The following OR14A2 variants were observed in gnomAD, a reference collection of about 807,000 sequenced individuals.
OR14A2 encodes olfactory receptor family 14 subfamily A member 2.
For synonymous variants in OR14A2, 114 were observed against 58.6 expected (o/e 1.95, Z -4.32); for missense variants, 237 against 152.9 (o/e 1.55, Z -2.90).
downstream of OR14A2, chr1:247,723,047 A>G (rs1660236426): frequency 3.2e-6 from 2 of 626,156 alleles, no homozygotes; most frequent in East Asian, 5.5e-5. Flanking sequence ...ACAAATAAGG[A>G]AAGTTTCTTG....
Position 247,723,598 on chromosome 1 carries a change from A to G in OR14A2, c.446T>C (p.Ile149Thr), listed in dbSNP as rs773313430. The change falls in exon 1 of 1, where the codon ATT (isoleucine) becomes ACT (threonine). Residue 149 changes from isoleucine to threonine, a missense_variant. Ile to Thr is a moderately conservative substitution (Grantham distance 89). Coordinates refer to ENST00000366485, the Ensembl canonical transcript of OR14A2. ...GTACGCAGTACCAAAGAGCCCTCCA[A>G]TGGCCCAGGAAACACTTGCCATTAA... 142 of 718,286 alleles carry G rather than the reference A, an allele frequency of 2.0e-4. 1 individual carries two copies. In the African/African-American group the frequency reaches 2.4e-3, roughly 12 times the overall value. 44.5% of individuals were successfully genotyped at this position (718,286 alleles called of 1,614,324 possible). A position where few individuals can be genotyped will look rare whatever the true frequency, so the allele number is the denominator to read the frequency against.
Position 247,723,131 on chromosome 1 carries a change from T to A in OR14A2, c.913A>T (p.Lys305Ter). The A allele has an allele frequency of 1.4e-6, 1 of 717,150 alleles. No individual in the cohort carries two copies. Among genetic ancestry groups the A allele is most frequent in the East Asian group, 2.7e-5 (1 of 37,288 alleles). The allele number at this position is 717,150 out of a possible 1,614,324, so 44.4% of individuals were successfully genotyped here. A position where few individuals can be genotyped will look rare whatever the true frequency, so the allele number is the denominator to read the frequency against. Reference sequence around the variant, plus strand: ...AAGTAAGCCTCCTGACCATATGTTTTCTGCAGCAACCTTATCAGAGCACAT... The same window carrying A: ...AAGTAAGCCTCCTGACCATATGTTTACTGCAGCAACCTTATCAGAGCACAT... Residue 305 changes from lysine to a stop codon, truncating the protein, a stop_gained, in exon 1 of 1, where the codon AAA becomes TAA. Coordinates refer to ENST00000366485, the Ensembl canonical transcript of OR14A2. LOFTEE classifies it low-confidence loss of function (END_TRUNC).
chr1:247,733,129 A>C, the OR14A2 span, among the ~76,000 whole-genome samples: 1 of 152,150 alleles, frequency 6.6e-6, no homozygotes, highest in Non-Finnish European at 1.5e-5. Flanking sequence ...GAAATTCATC[A>C]AACTTGTGAC....
chr1:247,730,619 C>G, the OR14A2 span, among the ~76,000 whole-genome samples: 2 of 152,002 alleles, frequency 1.3e-5, no homozygotes, highest in East Asian at 1.9e-4. Flanking sequence ...TTTTCTAACT[C>G]TACTTATAAT....
At chr1:247,724,584 G>A (rs1284155610), upstream of OR14A2, among the ~76,000 whole-genome samples, 1 of 152,084 alleles carries the variant, frequency 6.6e-6, no homozygotes, top group Non-Finnish European at 1.5e-5. Context: ...CTATTCTAAT[G>A]ATAGTAAGCA....
upstream of OR14A2, among the ~76,000 whole-genome samples, chr1:247,725,068 G>T (rs1351030155): frequency 6.6e-6 from 1 of 151,716 alleles, no homozygotes. Context: ...GATGGGAGGA[G>T]GCAGAAAAAG....
At chr1:247,734,020 A>C in the OR14A2 span, among the ~76,000 whole-genome samples, 1 of 152,148 alleles carries the variant, frequency 6.6e-6, no homozygotes, top group South Asian at 2.1e-4. Context: ...AGCAAAAACA[A>C]TATCATTTAT....
At chr1:247,728,162 CA>C (rs1214543808), upstream of OR14A2, among the ~76,000 whole-genome samples, 1 of 151,932 alleles carries the variant, frequency 6.6e-6, no homozygotes, top group Non-Finnish European at 1.5e-5. Flanking sequence ...AACATTGATG[CA>C]AAAATCCTCA....
chr1:247,726,102 G>A (rs963922014), upstream of OR14A2, among the ~76,000 whole-genome samples: 8 of 132,674 alleles, frequency 6.0e-5, no homozygotes, highest in East Asian at 2.2e-4. Flanking sequence ...CTGAGGAATC[G>A]CCACACTGAC....
chr1:247,731,544 A>G, the OR14A2 span, among the ~76,000 whole-genome samples: 1 of 151,624 alleles, frequency 6.6e-6, no homozygotes, highest in African/African-American at 2.4e-5. Context: ...TGGCCATTAT[A>G]TCTATAATTA....
At chr1:247,731,104 A>G in the OR14A2 span, among the ~76,000 whole-genome samples, 1 of 152,060 alleles carries the variant, frequency 6.6e-6, no homozygotes, top group Non-Finnish European at 1.5e-5. Flanking sequence ...TATTTATTTC[A>G]TTCTAAAGAT....
At chr1:247,735,070 G>C in the OR14A2 span, among the ~76,000 whole-genome samples, 7 of 152,226 alleles carry the variant, frequency 4.6e-5, no homozygotes, top group South Asian at 1.4e-3. Flanking sequence ...TCATGAGGAT[G>C]CCCCTGGCAT....
chr1:247,731,714 T>C, the OR14A2 span, among the ~76,000 whole-genome samples: 3 of 152,176 alleles, frequency 2.0e-5, no homozygotes, highest in African/African-American at 4.8e-5. Context: ...AAAGTGTTTC[T>C]ATTTCTTTGT....
upstream of OR14A2, among the ~76,000 whole-genome samples, chr1:247,728,888 C>T (rs1660451641): frequency 2.6e-5 from 4 of 151,992 alleles, no homozygotes; most frequent in African/African-American, 9.7e-5. Context: ...CAGTTGATTA[C>T]CTGAAATTAA....
At chr1:247,747,717 A>G in the OR14A2 span, among the ~76,000 whole-genome samples, 3 of 152,146 alleles carry the variant, frequency 2.0e-5, no homozygotes, top group Non-Finnish European at 4.4e-5. Flanking sequence ...CTCAGTATTT[A>G]CGTAAGTGCA....
the OR14A2 span, among the ~76,000 whole-genome samples, chr1:247,731,768 A>T: frequency 1.3e-5 from 2 of 152,092 alleles, no homozygotes; most frequent in African/African-American, 4.8e-5. Context: ...TGTATTGAAA[A>T]CATATTTTTT....
chr1:247,743,290 T>G, the OR14A2 span, among the ~76,000 whole-genome samples: 2 of 151,950 alleles, frequency 1.3e-5, no homozygotes, highest in African/African-American at 4.8e-5. Context: ...CAGAGCACCA[T>G]GCCAGAACAC....
At chr1:247,728,237 G>A (rs1572474550), upstream of OR14A2, among the ~76,000 whole-genome samples, 1 of 152,090 alleles carries the variant, frequency 6.6e-6, no homozygotes. Context: ...GATCAAGTGG[G>A]CTTCATCCCT....
the OR14A2 span, chr1:247,739,379 T>TG: frequency 3.8e-6 from 3 of 780,760 alleles, no homozygotes; most frequent in Non-Finnish European, 7.2e-6. Flanking sequence ...CAGGTGCTGT[T>TG]GCTTATTTAA....
Sources: gnomAD v4.1 joint callset for allele counts (sites outside exome capture counted in the v4.1 genomes callset) on GRCh38, gnomAD v4.1.1 for gene constraint, MANE v1.5 for transcripts, NCBI Gene and HGNC (gene_info 2026-07-23, HGNC 2026-07-21) for gene names.